MICU1: variants seen among roughly 807,000 people sequenced by gnomAD.
MICU1 encodes the protein calcium uptake protein 1, mitochondrial.
In MICU1, 45 loss-of-function variants were observed where a neutral mutation model predicts 56.8. The observed-to-expected ratio is 0.79, with a 90% CI of 0.62 to 1.02. MICU1 has a LOEUF of 1.02. Ranked by LOEUF, MICU1 falls within the 50% of genes least tolerant of loss-of-function variation. The pLI, the probability that MICU1 is intolerant of heterozygous loss-of-function variation, is 0.00. For synonymous variants in MICU1, 186 were observed against 195.1 expected, an observed-to-expected ratio of 0.95 and a Z score of 0.39; for missense variants, 504 against 587.1, an observed-to-expected ratio of 0.86 and a Z score of 1.46.
chr10:72,396,310 G>A (rs1275651994), intron 10 of MICU1, among the ~76,000 whole-genome samples: 4 of 152,214 alleles, frequency 2.6e-5, no homozygotes, highest in African/African-American at 9.6e-5. Context: ...AAAGGTAGAT[G>A]AAACCACAAA....
At chr10:72,497,349 C>A (rs913060846) in intron 6 of MICU1, among the ~76,000 whole-genome samples, 1 of 152,102 alleles carries the variant, frequency 6.6e-6, no homozygotes, top group Admixed American at 6.6e-5. Flanking sequence ...TGAGCCACCA[C>A]GCCCAGCCCA....
chr10:72,400,745 T>TA, intron 10 of MICU1, among the ~76,000 whole-genome samples: 1 of 152,096 alleles, frequency 6.6e-6, no homozygotes, highest in African/African-American at 2.4e-5. Context: ...AAACTCCATC[T>TA]AAAAAATAAA....
At chr10:72,463,483 CA>C (rs567685494) in intron 8 of MICU1, among the ~76,000 whole-genome samples, 146 of 152,254 alleles carry the variant, frequency 9.6e-4, no homozygotes, top group Middle Eastern at 3.4e-3. Flanking sequence ...CTCCATTCTC[CA>C]AAAGGTATGA....
intron 8 of MICU1, chr10:72,468,040 G>A (rs1865846828): frequency 6.6e-6 from 1 of 152,166 alleles, no homozygotes; most frequent in African/African-American, 2.4e-5. Context: ...TTGCCATGTT[G>A]ACCAGGCTGG....
intron 5 of MICU1, among the ~76,000 whole-genome samples, chr10:72,533,525 A>G (rs1328124708): frequency 6.6e-6 from 1 of 152,220 alleles, no homozygotes; most frequent in Non-Finnish European, 1.5e-5. Context: ...CCTTAATATA[A>G]ACAGGAGGCA....
chr10:72,575,571 C>A (rs1005132602), intron 1 of MICU1, among the ~76,000 whole-genome samples: 6 of 152,168 alleles, frequency 3.9e-5, no homozygotes, highest in African/African-American at 1.4e-4. Context: ...CATACACATA[C>A]TTTGTGTTTC....
At chr10:72,613,363 G>C (rs148858231) in intron 1 of MICU1, among the ~76,000 whole-genome samples, 107 of 147,720 alleles carry the variant, frequency 7.2e-4, no homozygotes, top group African/African-American at 2.4e-3. Flanking sequence ...AGCCTCAAAC[G>C]CCTAGGTTTA....
At chr10:72,622,819 T>C (rs1842136199) in intron 1 of MICU1, among the ~76,000 whole-genome samples, 1 of 152,244 alleles carries the variant, frequency 6.6e-6, no homozygotes, top group African/African-American at 2.4e-5. Context: ...ATATTGCCCG[T>C]GTTTTCTTCT....
rs114075642 is a variant in MICU1 at position 72,538,778 on chromosome 10, A to C, written c.494-4989T>G. Among the ~76,000 whole-genome samples the C allele has an allele frequency of 8.0e-3, 1,224 of 152,226 alleles. 14 individuals are homozygous for C. Among genetic ancestry groups the C allele is most frequent in the African/African-American group, 0.028 (1,153 of 41,560 alleles). ...ATAACAGTGACTATAAATGGTCTAA[A>C]TTCTCCAATTAAAAAACATAGAATG... On this transcript the variant is annotated intron_variant, in intron 4 of 11. Transcript: ENST00000361114.
intron 9 of MICU1, among the ~76,000 whole-genome samples, chr10:72,408,903 C>T (rs1275652739): frequency 1.3e-4 from 20 of 152,168 alleles, no homozygotes. Flanking sequence ...AGTAATTTGC[C>T]ACTTAACTTT....
At chr10:72,431,644 C>G (rs1213936437) in intron 8 of MICU1, among the ~76,000 whole-genome samples, 1 of 152,156 alleles carries the variant, frequency 6.6e-6, no homozygotes, top group Non-Finnish European at 1.5e-5. Flanking sequence ...CACACCAACA[C>G]TTTTTATCAG....
At chr10:72,529,191 T>C (rs1001278259) in intron 5 of MICU1, among the ~76,000 whole-genome samples, 2 of 152,152 alleles carry the variant, frequency 1.3e-5, no homozygotes, top group Admixed American at 1.3e-4. Flanking sequence ...AAAATACACA[T>C]AAATTTTTTC....
At chr10:72,518,170 TTACAAGCATGTGC>T (rs1376962166) in intron 5 of MICU1, among the ~76,000 whole-genome samples, 3 of 151,904 alleles carry the variant, frequency 2.0e-5, no homozygotes, top group Non-Finnish European at 4.4e-5. Context: ...GTAGCTGGGA[TTACAAGCATGTGC>T]TACCACACCC....
In MICU1 at chr10:72,407,934, T is replaced by C; in HGVS notation, c.1175A>G (p.Asp392Gly). The C allele has an allele frequency of 6.2e-7, 1 of 1,609,650 alleles. No individual in the cohort carries two copies. The highest frequency in any genetic ancestry group is 8.5e-7 in the Non-Finnish European group (1 of 1,176,676). Residue 392 changes from aspartate (D) to glycine (G), a missense_variant, in exon 10 of 12, where the codon GAT (aspartate) becomes GGT (glycine). Physicochemically the swap from Asp to Gly is moderately conservative, Grantham distance 94. Transcript: ENST00000361114. ...CACTTTTTGAGTTTCATTACCTTTATCAAGAGATGCTCCAGCCATATGGTA... is the reference window on the plus strand; with the variant it reads ...CACTTTTTGAGTTTCATTACCTTTACCAAGAGATGCTCCAGCCATATGGTA... ...SFYHMAGASL[D>G]KVTMQQVART... is the part of the protein sequence containing the mutation.
At chr10:72,524,266 GC>G (rs1867905575) in intron 5 of MICU1, among the ~76,000 whole-genome samples, 1 of 152,032 alleles carries the variant, frequency 6.6e-6, no homozygotes, top group Non-Finnish European at 1.5e-5. Context: ...GACTACTACT[GC>G]TTTTAAATGT....
chr10:72,381,009 T>C (rs1862684378), intron 10 of MICU1, among the ~76,000 whole-genome samples: 1 of 152,170 alleles, frequency 6.6e-6, no homozygotes, highest in Admixed American at 6.5e-5. Flanking sequence ...CCGACAATTT[T>C]AGGGACAACT....
At chr10:72,502,087 A>G (rs1019226030) in intron 6 of MICU1, among the ~76,000 whole-genome samples, 1 of 150,964 alleles carries the variant, frequency 6.6e-6, no homozygotes, top group African/African-American at 2.4e-5. Context: ...CAGTGTTCAT[A>G]TTCTTCAAAA....
chr10:72,498,094 T>C (rs1188452870), intron 6 of MICU1, among the ~76,000 whole-genome samples: 2 of 152,220 alleles, frequency 1.3e-5, no homozygotes, highest in Non-Finnish European at 2.9e-5. Context: ...AACATTGCTT[T>C]TAAATTATGA....
At chr10:72,453,538 T>C (rs995382225) in intron 8 of MICU1, among the ~76,000 whole-genome samples, 1 of 152,178 alleles carries the variant, frequency 6.6e-6, no homozygotes, top group Non-Finnish European at 1.5e-5. Context: ...TATTTATTTA[T>C]TTATTTTTGA....
Sources: gnomAD v4.1 joint callset for allele counts (sites outside exome capture counted in the v4.1 genomes callset) on GRCh38, gnomAD v4.1.1 for gene constraint, MANE v1.5 for transcripts, NCBI Gene and HGNC (gene_info 2026-07-23, HGNC 2026-07-21) for gene names.